The following NOTCH1 variants were observed in gnomAD, a reference collection of about 807,000 sequenced individuals.
The protein encoded by NOTCH1 is neurogenic locus notch homolog protein 1.
In NOTCH1, 37 loss-of-function variants were observed where a neutral mutation model predicts 254.8. The ratio of observed to expected loss-of-function variants is 0.15; its 90% CI spans 0.11 to 0.19. The LOEUF (loss-of-function observed/expected upper bound fraction) is 0.19, where lower values mean the gene tolerates loss of function less well. Ranked by LOEUF, NOTCH1 falls within the 10% of genes least tolerant of loss-of-function variation. The pLI is 1.00. For missense variants in NOTCH1, 2,972 were observed against 3,708.6 expected (o/e 0.80, Z 5.16); for synonymous variants, 1,731 against 1,618.1 (o/e 1.07, Z -1.68).
rs1344639057 is a variant in NOTCH1, at chr9:136,504,782, C to A, written c.4909G>T (p.Gly1637Cys). The change falls in exon 26 of 34, where the codon GGC (glycine) becomes TGC (cysteine). Residue 1637 changes from glycine (G) to cysteine (C), a missense_variant. Transcript: ENST00000651671. ...RKHPIKRAAE[G>C]WAAPDALLGQ... ...AGCAGGGCGTCAGGTGCGGCCCAGC[C>A]CTCGGCGGCACGCTTGATGGGGTGC... is the stretch of plus-strand genomic sequence containing the variant. 6.4e-7 allele frequency: 1 copy of A among 1,553,800 alleles called. No individual in the cohort carries two copies. The highest frequency in any genetic ancestry group is 1.2e-5 in the South Asian group (1 of 84,346).
At position 136,501,778 on chromosome 9, in the gene NOTCH1, C is replaced by G; in HGVS notation, c.5608G>C (p.Asp1870His). 1 of 1,612,510 alleles carries G rather than the reference C, an allele frequency of 6.2e-7. No homozygotes were observed. The highest frequency in any genetic ancestry group is 8.5e-7 in the Non-Finnish European group (1 of 1,179,982). Residue 1870 changes from aspartate (D) to histidine (H), a missense_variant, in exon 30 of 34, where the codon GAC becomes CAC. This residue lies in a region of NOTCH1 where 421 missense variants were observed against 604.4 expected (regional missense o/e 0.70). Coordinates refer to ENST00000651671, the MANE Select transcript of NOTCH1 (RefSeq NM_017617.5). ...CCGCGGACATTGACGTCCATGCAGT[C>G]GGCGTCAACCTCACCCTGGGGCGGT... ...PTPPQGEVDA[D>H]CMDVNVRGPD...
At chr9:136,505,957 G>C in intron 24 of NOTCH1, 76 bp from the exon 25 acceptor site, 1 of 1,307,850 alleles carries the variant, frequency 7.6e-7, no homozygotes, top group Non-Finnish European at 1.0e-6. Flanking sequence ...CCCAGCCCTC[G>C]GCCAGCAGTG....
chr9:136,539,241 CA>C (rs1379080346), intron 2 of NOTCH1, among the ~76,000 whole-genome samples: 1 of 152,224 alleles, frequency 6.6e-6, no homozygotes, highest in East Asian at 1.9e-4. Flanking sequence ...GGCTGCTGTT[CA>C]GAGGCAGGGC....
intron 2 of NOTCH1, among the ~76,000 whole-genome samples, chr9:136,535,137 C>T (rs1245435648): frequency 6.6e-6 from 1 of 151,526 alleles, no homozygotes. Flanking sequence ...CTGCCCCACC[C>T]CCGCCCCACA....
At chr9:136,530,893 A>G (rs1843548418) in intron 2 of NOTCH1, among the ~76,000 whole-genome samples, 1 of 152,172 alleles carries the variant, frequency 6.6e-6, no homozygotes, top group African/African-American at 2.4e-5. Context: ...ACCACACTCC[A>G]TGAATGAAGT....
At chr9:136,533,723 C>T (rs769776240) in intron 2 of NOTCH1, among the ~76,000 whole-genome samples, 14 of 152,240 alleles carry the variant, frequency 9.2e-5, no homozygotes, top group Non-Finnish European at 1.9e-4. Context: ...CCTCAGCCCC[C>T]GGGCAGGCTC....
chr9:136,521,894 C>A (rs1022801950), intron 4 of NOTCH1, among the ~76,000 whole-genome samples: 1 of 152,226 alleles, frequency 6.6e-6, no homozygotes, highest in African/African-American at 2.4e-5. Context: ...TCCAGCCCCA[C>A]CCCTGCCTGA....
chr9:136,529,440 C>A (rs1843524021), intron 2 of NOTCH1, among the ~76,000 whole-genome samples: 2 of 152,242 alleles, frequency 1.3e-5, no homozygotes, highest in Admixed American at 1.3e-4. Context: ...TTCCAGGAGG[C>A]ACCGGCTGCT....
intron 2 of NOTCH1, 188 bp downstream of exon 2, chr9:136,543,836 C>A: frequency 1.5e-6 from 1 of 684,600 alleles, no homozygotes; most frequent in East Asian, 2.7e-5. Flanking sequence ...ACCAGCTCCA[C>A]ACGCAGCATA....
At position 136,513,320 on chromosome 9, in the gene NOTCH1, C is replaced by T. The variant is rs1843212298; in HGVS notation, c.2353+72G>A. ...TGCATGGTGCTGGCTGGACCTGGGT[C>T]CCGATCCTGTGTCTCCAGCTCCCCA... On this transcript the variant is annotated intron_variant, in intron 14 of 33. Transcript: ENST00000651671. This position sits in a 1 kb window ranked among gnomAD's most constrained non-coding sequence, Gnocchi z 4.7. 3.1e-6 allele frequency: 5 copies of T among 1,604,214 alleles called. No individual in the cohort carries two copies. In the African/African-American group the frequency reaches 4.0e-5, roughly 13 times the overall value.
intron 33 of NOTCH1, 58 bp from the exon 34 acceptor site, chr9:136,497,616 C>A: frequency 6.9e-7 from 1 of 1,442,872 alleles, no homozygotes. Flanking sequence ...GGGACCCTCC[C>A]CAAGGTTCCA....
intron 31 of NOTCH1, among the ~76,000 whole-genome samples, chr9:136,500,340 C>T (rs1482962093): frequency 6.6e-6 from 1 of 152,246 alleles, no homozygotes; most frequent in Non-Finnish European, 1.5e-5. Context: ...CCAGACCCGC[C>T]TCTGCCTGAC....
intron 19 of NOTCH1, 130 bp downstream of exon 19, chr9:136,508,740 C>T: frequency 1.1e-6 from 1 of 899,666 alleles, no homozygotes; most frequent in Non-Finnish European, 1.7e-6. Context: ...CCCCAGAAAC[C>T]CTCTGCCCGG....
chr9:136,528,973 GC>G (rs914861407), intron 2 of NOTCH1, among the ~76,000 whole-genome samples: 17 of 152,098 alleles, frequency 1.1e-4, no homozygotes, highest in African/African-American at 3.9e-4. Flanking sequence ...AGCAGGACCT[GC>G]CCCCAGCCTC....
rs1467599840 is a variant in NOTCH1 at position 136,496,299 on chromosome 9, C to T, written c.7440G>A (p.Gln2480=). 2.5e-6 allele frequency: 4 copies of T among 1,596,542 alleles called. No homozygotes were observed. Among genetic ancestry groups the T allele is most frequent in the South Asian group, 1.1e-5 (1 of 89,444 alleles). The change falls in exon 34 of 34, where the codon CAG becomes CAA. Residue 2480 remains glutamine (Q), a synonymous_variant. Coordinates refer to ENST00000651671, the MANE Select transcript of NOTCH1 (RefSeq NM_017617.5). ...SSLVPPVTAA[Q]FLTPPSQHSY... ...TGTGCTGCGAGGGGGGCGTCAGGAA[C>T]TGGGCTGCGGTCACGGGTGGGACCA... is the stretch of plus-strand genomic sequence containing the variant.
chr9:136,523,612 G>C (rs576936303), intron 3 of NOTCH1, 105 bp downstream of exon 3: 5 of 1,437,582 alleles, frequency 3.5e-6, no homozygotes, highest in Middle Eastern at 2.4e-4. Context: ...AATTACTTCC[G>C]GGTCAGAGAC....
intron 16 of NOTCH1, 90 bp from the exon 17 acceptor site, chr9:136,510,895 C>A: frequency 1.3e-6 from 2 of 1,563,930 alleles, no homozygotes; most frequent in Non-Finnish European, 1.7e-6. Flanking sequence ...CAGTGCCTCT[C>A]CCGACCCAGG....
chr9:136,534,365 G>A, intron 2 of NOTCH1, among the ~76,000 whole-genome samples: 1 of 152,208 alleles, frequency 6.6e-6, no homozygotes, highest in East Asian at 1.9e-4. Flanking sequence ...TCCGAGGCCA[G>A]GGGACTGCGT....
Position 136,502,070 on chromosome 9 carries a change from T to C in NOTCH1, c.5403A>G (p.Ser1801=), listed in dbSNP as rs201358664. 124 of 1,613,302 alleles carry C rather than the reference T, an allele frequency of 7.7e-5. No individual in the cohort carries two copies. The African/African-American group carries it at 1.5e-3, about 19-fold the overall frequency. ...GGTTGTCGTCCATGAGGGCACCGTC[T>C]GAAGCGTTCTTCAGGGGCCTGGGGG... ...SVGLKPLKNA[S]DGALMDDNQN... Residue 1801 remains serine, a synonymous_variant, in exon 29 of 34, where the codon TCA becomes TCG. Coordinates refer to ENST00000651671, the MANE Select transcript of NOTCH1 (RefSeq NM_017617.5).
Sources: gnomAD v4.1 joint callset for allele counts (sites outside exome capture counted in the v4.1 genomes callset) on GRCh38, gnomAD v4.1.1 for gene constraint, gnomAD v4.1.1 regional missense constraint, Gnocchi (gnomAD v3.1) non-coding constraint, MANE v1.5 for transcripts, NCBI Gene and HGNC (gene_info 2026-07-23, HGNC 2026-07-21) for gene names.